CCDC171: variants seen among roughly 807,000 people sequenced by gnomAD.
CCDC171 encodes coiled-coil domain-containing protein 171.
CCDC171 carries 177 observed loss-of-function variants against 168.2 expected under a neutral mutation model. The ratio of observed to expected loss-of-function variants is 1.05; its 90% CI spans 0.93 to 1.19. The LOEUF (loss-of-function observed/expected upper bound fraction) is 1.19, where lower values mean the gene tolerates loss of function less well. Among genes scored for constraint, CCDC171 ranks in the 50% most tolerant of loss-of-function variants. The pLI is 0.00. For missense variants in CCDC171, 1,991 were observed against 1,539.0 expected (o/e 1.29, Z -4.91); for synonymous variants, 687 against 540.8 (o/e 1.27, Z -3.75).
At chr9:15,685,991 C>G (rs1187421848) in intron 10 of CCDC171, among the ~76,000 whole-genome samples, 1 of 152,082 alleles carries the variant, frequency 6.6e-6, no homozygotes, top group Non-Finnish European at 1.5e-5. Context: ...AAATTTTACA[C>G]TATTCAATCT....
chr9:15,828,177 A>G (rs2060092367), intron 21 of CCDC171, among the ~76,000 whole-genome samples: 1 of 152,168 alleles, frequency 6.6e-6, no homozygotes. Context: ...TTTTGAGATG[A>G]TCATAAATTC....
Position 15,762,324 on chromosome 9 carries a change from A to G in CCDC171, c.2672-15276A>G, listed in dbSNP as rs533697082. On this transcript the variant is annotated intron_variant, in intron 18 of 25. Coordinates refer to ENST00000380701, the MANE Select transcript of CCDC171 (RefSeq NM_173550.4). ...AAAAAATTTTTACCTCCTTTTCCAG[A>G]AAAAATATGGCAGCTTATAGGTATT... Among the ~76,000 whole-genome samples, 4 of 152,224 alleles carry G rather than the reference A, an allele frequency of 2.6e-5. No homozygotes were observed. In the East Asian group the frequency reaches 7.7e-4, roughly 29 times the overall value.
At chr9:15,781,611 C>G (rs2057672639) in intron 20 of CCDC171, among the ~76,000 whole-genome samples, 1 of 152,066 alleles carries the variant, frequency 6.6e-6, no homozygotes, top group African/African-American at 2.4e-5. Context: ...CAGGGTTTCA[C>G]CATGTTGGCC....
At chr9:15,802,108 G>A (rs2058853953) in intron 21 of CCDC171, among the ~76,000 whole-genome samples, 2 of 151,668 alleles carry the variant, frequency 1.3e-5, no homozygotes, top group African/African-American at 2.4e-5. Context: ...GTCTGATTTT[G>A]ATAAGGTTTC....
intron 3 of CCDC171, among the ~76,000 whole-genome samples, chr9:15,990,762 C>G (rs1832165908): frequency 6.6e-6 from 1 of 152,122 alleles, no homozygotes; most frequent in South Asian, 2.1e-4. Context: ...CAAAAAAAGG[C>G]AGGAGTTGCA....
chr9:15,824,961 A>T (rs1466695681), intron 21 of CCDC171, among the ~76,000 whole-genome samples: 1 of 152,040 alleles, frequency 6.6e-6, no homozygotes, highest in Non-Finnish European at 1.5e-5. Flanking sequence ...GATGATGGTG[A>T]TGCATTTATT....
chr9:16,020,597 CGTTTG>C (rs1564123069), exon 4 of CCDC171: 1 of 154,360 alleles, frequency 6.5e-6, no homozygotes, highest in Non-Finnish European at 1.5e-5. Context: ...AGCAGCACTA[CGTTTG>C]CACTTTGGAG....
intron 7 of CCDC171, among the ~76,000 whole-genome samples, chr9:15,646,434 C>G (rs565259815): frequency 1.3e-5 from 2 of 152,202 alleles, no homozygotes; most frequent in African/African-American, 2.4e-5. Context: ...GCTAAATGCT[C>G]CAATTAAAAG....
At chr9:15,673,719 G>A (rs1360825775) in intron 9 of CCDC171, among the ~76,000 whole-genome samples, 3 of 152,170 alleles carry the variant, frequency 2.0e-5, no homozygotes, top group Non-Finnish European at 4.4e-5. Context: ...TGGTGGATAA[G>A]CTTTTTGATG....
intron 2 of CCDC171, among the ~76,000 whole-genome samples, chr9:15,571,152 C>G (rs1453366642): frequency 2.0e-5 from 3 of 152,142 alleles, no homozygotes. Flanking sequence ...TGTGTTCTCT[C>G]TCTTGTGAGT....
intron 21 of CCDC171, among the ~76,000 whole-genome samples, chr9:15,838,750 G>T (rs2060555668): frequency 6.6e-6 from 1 of 152,140 alleles, no homozygotes; most frequent in South Asian, 2.1e-4. Context: ...GTTTTTTAAA[G>T]ATGACATTTT....
At chr9:15,719,472 AG>A (rs2053328466) in intron 11 of CCDC171, among the ~76,000 whole-genome samples, 3 of 150,764 alleles carry the variant, frequency 2.0e-5, no homozygotes, top group Admixed American at 6.6e-5. Flanking sequence ...GGATAATAAT[AG>A]GGGACTTTCC....
intron 9 of CCDC171, among the ~76,000 whole-genome samples, chr9:15,676,232 T>C (rs114541129): frequency 0.013 from 1,940 of 152,266 alleles, 48 homozygotes; most frequent in African/African-American, 0.044. Flanking sequence ...ATCAGGTCAT[T>C]TAAGTTCTTC....
rs547318185 is a variant in CCDC171 at position 15,729,965 on chromosome 9, G to A, written c.2049+167G>A. On this transcript the variant is annotated intron_variant, in intron 16 of 25. Coordinates refer to ENST00000380701, the MANE Select transcript of CCDC171 (RefSeq NM_173550.4). ...TTTAGATACACACACATACGTGTGT[G>A]TGTATGGGTGTGTATATTAAGGATT... 2.0e-5 allele frequency among the ~76,000 whole-genome samples: 3 copies of A among 151,910 alleles called. No homozygotes were observed. In the East Asian group the frequency reaches 5.8e-4, roughly 29 times the overall value.
At chr9:16,105,372 C>T in the CCDC171 span, among the ~76,000 whole-genome samples, 1 of 152,114 alleles carries the variant, frequency 6.6e-6, no homozygotes, top group African/African-American at 2.4e-5. Flanking sequence ...AAAGCACACA[C>T]TCCCTGTCCA....
intron 16 of CCDC171, among the ~76,000 whole-genome samples, chr9:15,732,819 C>G (rs2054235671): frequency 1.3e-5 from 2 of 151,942 alleles, no homozygotes; most frequent in African/African-American, 2.4e-5. Context: ...AGTTTGATTT[C>G]TAGATTATAT....
rs747306260 is a variant in CCDC171 at position 15,571,605 on chromosome 9, C to T, written c.42-19C>T. 5.3e-6 allele frequency: 8 copies of T among 1,515,562 alleles called. No individual in the cohort carries two copies. The highest frequency in any genetic ancestry group is 2.6e-5 in the South Asian group (2 of 77,578). 93.9% of individuals were successfully genotyped at this position (1,515,562 alleles called of 1,614,324 possible). On this transcript the variant is annotated intron_variant, in intron 2 of 25. Transcript: ENST00000380701. ...CTTTATGAGAAGCATATACATTTTA[C>T]TGTAATCTCATTTTAAAGGTTGAAG...
At chr9:15,575,903 C>T (rs1368961502) in intron 3 of CCDC171, among the ~76,000 whole-genome samples, 2 of 152,068 alleles carry the variant, frequency 1.3e-5, no homozygotes, top group African/African-American at 4.8e-5. Context: ...ACCAGCCTGG[C>T]CAACATGGCG....
chr9:15,713,194 G>GA (rs2052807681), intron 11 of CCDC171, among the ~76,000 whole-genome samples: 1 of 152,206 alleles, frequency 6.6e-6, no homozygotes, highest in Admixed American at 6.5e-5. Flanking sequence ...CTGCTTACTG[G>GA]AAGGATTCTT....
Sources: gnomAD v4.1 joint callset for allele counts (sites outside exome capture counted in the v4.1 genomes callset) on GRCh38, gnomAD v4.1.1 for gene constraint, MANE v1.5 for transcripts, NCBI Gene and HGNC (gene_info 2026-07-23, HGNC 2026-07-21) for gene names.